Variants in SLC41A2 observed in about 807,000 individuals in gnomAD.
SLC41A2 encodes solute carrier family 41 member 2, also known as SLC41A1-like 1.
In SLC41A2, 32 loss-of-function variants were observed where a neutral mutation model predicts 58.3. That is an observed-to-expected ratio of 0.55 (90% CI 0.41 to 0.74). The LOEUF is 0.74. Among genes scored for constraint, SLC41A2 ranks in the 30% least tolerant of loss-of-function variants. The pLI is 0.00. For missense variants in SLC41A2, 514 were observed against 680.6 expected, an observed-to-expected ratio of 0.76 and a Z score of 2.72; for synonymous variants, 190 against 235.0, an observed-to-expected ratio of 0.81 and a Z score of 1.75.
intron 2 of SLC41A2, among the ~76,000 whole-genome samples, chr12:104,922,248 G>A (rs1593147646): frequency 6.6e-6 from 1 of 152,070 alleles, no homozygotes; most frequent in African/African-American, 2.4e-5. Flanking sequence ...AAAGAAACAA[G>A]ACCCAGGTTT....
At chr12:104,943,861 A>G (rs891518768) in intron 1 of SLC41A2, among the ~76,000 whole-genome samples, 3 of 152,144 alleles carry the variant, frequency 2.0e-5, no homozygotes, top group African/African-American at 7.2e-5. Flanking sequence ...AGCTCACTAA[A>G]ATGCTAATTA....
At chr12:104,861,185 G>T in intron 8 of SLC41A2, 106 bp downstream of exon 8, 2 of 696,642 alleles carry the variant, frequency 2.9e-6, no homozygotes, top group Non-Finnish European at 4.6e-6. Flanking sequence ...GGTTGGGATG[G>T]GAGGACAGAC....
intron 8 of SLC41A2, among the ~76,000 whole-genome samples, chr12:104,853,911 A>ATTATTATTATTATTATTATTT: frequency 2.2e-4 from 13 of 59,494 alleles, no homozygotes; most frequent in Non-Finnish European, 3.8e-4. Context: ...TGCCTGGCTG[A>ATTATTATTATTATTATTATTT]TTTTTTTTTT....
At chr12:104,923,937 G>A (rs1261058666) in intron 2 of SLC41A2, among the ~76,000 whole-genome samples, 3 of 152,180 alleles carry the variant, frequency 2.0e-5, no homozygotes, top group South Asian at 2.1e-4. Flanking sequence ...TTTCTTAGAC[G>A]AGAGACATAA....
intron 6 of SLC41A2, among the ~76,000 whole-genome samples, chr12:104,874,080 T>G (rs1374927365): frequency 1.3e-5 from 2 of 149,738 alleles, no homozygotes; most frequent in East Asian, 1.9e-4. Context: ...TTTGTTTTTT[T>G]TTTTTTTTTT....
At chr12:104,896,831 CT>C (rs2045308438) in intron 3 of SLC41A2, among the ~76,000 whole-genome samples, 1 of 152,210 alleles carries the variant, frequency 6.6e-6, no homozygotes, top group African/African-American at 2.4e-5. Flanking sequence ...TCCCCTATAG[CT>C]TCAGGTGACA....
At chr12:104,927,144 A>T (rs975059960) in intron 2 of SLC41A2, among the ~76,000 whole-genome samples, 2 of 152,194 alleles carry the variant, frequency 1.3e-5, no homozygotes, top group African/African-American at 4.8e-5. Context: ...AGGAGTATAA[A>T]TTGATACAAA....
intron 10 of SLC41A2, among the ~76,000 whole-genome samples, chr12:104,840,486 T>C (rs1469358373): frequency 1.3e-5 from 2 of 152,240 alleles, no homozygotes; most frequent in East Asian, 3.8e-4. Flanking sequence ...CGGATCAAGA[T>C]GGTTAGCTAG....
At chr12:104,937,506 G>A (rs2047331488) in intron 1 of SLC41A2, among the ~76,000 whole-genome samples, 1 of 152,150 alleles carries the variant, frequency 6.6e-6, no homozygotes, top group Non-Finnish European at 1.5e-5. Context: ...AGGAGCGATA[G>A]GCCATACCAC....
rs548391126 is a variant in SLC41A2, at chr12:104,928,114, A to G, written c.414T>C (p.Asp138=). The change falls in exon 2 of 11, where the codon GAT becomes GAC. Residue 138 remains aspartate (D), a synonymous_variant. Coordinates refer to ENST00000258538, the MANE Select transcript of SLC41A2 (RefSeq NM_001352171.3). ...CTTCTACAATAGCATCTTCATCACC[A>G]TCACTAGATATATCTTCATCTTGTA... ...AMLQDEDISS[D]GDEDAIVEVT... The G allele has an allele frequency of 7.4e-6, 12 of 1,614,196 alleles. No homozygotes were observed. The highest frequency in any genetic ancestry group is 4.5e-5 in the East Asian group (2 of 44,890).
chr12:104,849,694 G>A (rs372744159), intron 8 of SLC41A2, among the ~76,000 whole-genome samples: 16 of 152,254 alleles, frequency 1.1e-4, no homozygotes, highest in African/African-American at 2.6e-4. Context: ...TGGGTGTGCT[G>A]GTGCACACCT....
intron 10 of SLC41A2, among the ~76,000 whole-genome samples, chr12:104,808,981 G>A (rs1452935943): frequency 6.6e-6 from 1 of 152,116 alleles, no homozygotes; most frequent in Non-Finnish European, 1.5e-5. Context: ...TGGACAAGTT[G>A]GCAAGTATAG....
At chr12:104,872,191 A>C (rs910319531) in intron 6 of SLC41A2, among the ~76,000 whole-genome samples, 9 of 152,210 alleles carry the variant, frequency 5.9e-5, no homozygotes, top group African/African-American at 2.2e-4. Context: ...AAGCAGGCAG[A>C]AGCTTAAGAA....
rs1360149027 is a variant in SLC41A2, at chr12:104,833,548, G to C, written c.1536+10924C>G. ...TTTTTATTTCAGTTACTGAGTGACG[G>C]TCTCACCATCCTTTGATACCCTTTA... On this transcript the variant is annotated intron_variant, in intron 10 of 10. Transcript: ENST00000258538. 1.6e-4 allele frequency among the ~76,000 whole-genome samples: 24 copies of C among 152,096 alleles called. 1 individual carries two copies. The highest frequency in any genetic ancestry group is 1.6e-3 in the Admixed American group (24 of 15,268).
chr12:104,883,866 T>C (rs2044515103), intron 6 of SLC41A2, among the ~76,000 whole-genome samples: 1 of 152,236 alleles, frequency 6.6e-6, no homozygotes. Flanking sequence ...ACCACTACTC[T>C]CTTCAAAGCT....
At chr12:104,884,504 G>A (rs543461415) in intron 6 of SLC41A2, among the ~76,000 whole-genome samples, 2 of 152,134 alleles carry the variant, frequency 1.3e-5, no homozygotes, top group East Asian at 3.9e-4. Context: ...TGTATATAGG[G>A]TAACCTGTCC....
intron 1 of SLC41A2, among the ~76,000 whole-genome samples, chr12:104,942,370 C>G (rs935275053): frequency 2.0e-5 from 3 of 151,396 alleles, no homozygotes; most frequent in Non-Finnish European, 4.4e-5. Flanking sequence ...CTCAGCTACT[C>G]TGGAGACTGA....
intron 6 of SLC41A2, among the ~76,000 whole-genome samples, chr12:104,875,887 T>C (rs1212932260): frequency 3.9e-5 from 6 of 152,194 alleles, no homozygotes; most frequent in Non-Finnish European, 8.8e-5. Flanking sequence ...TATTTGAATG[T>C]TTGGTAGAAT....
intron 10 of SLC41A2, among the ~76,000 whole-genome samples, chr12:104,842,919 C>T (rs145817308): frequency 1.1e-4 from 16 of 152,194 alleles, no homozygotes; most frequent in Non-Finnish European, 2.1e-4. Context: ...CCAGCAATGG[C>T]TTGTTTATCA....
Sources: allele counts gnomAD v4.1 joint callset (sites outside exome capture counted in the v4.1 genomes callset), GRCh38; gene constraint gnomAD v4.1.1; transcripts MANE v1.5; gene names NCBI Gene and HGNC (gene_info 2026-07-23, HGNC 2026-07-21).